ZSWIM6: variants seen among roughly 807,000 people sequenced by gnomAD.
The protein encoded by ZSWIM6 is zinc finger SWIM-type containing 6.
ZSWIM6 carries 9 observed loss-of-function variants against 113.2 expected under a neutral mutation model. The observed-to-expected ratio is 0.08, with a 90% CI of 0.05 to 0.14. The LOEUF is 0.14. ZSWIM6 is among the 10% of genes least tolerant of loss of function. The pLI is 1.00. For synonymous variants in ZSWIM6, 611 were observed against 606.5 expected (o/e 1.01, Z -0.11); for missense variants, 1,162 against 1,552.2 (o/e 0.75, Z 4.22).
intron 1 of ZSWIM6, among the ~76,000 whole-genome samples, chr5:61,353,192 T>TTTGGGATGAGGA (rs1334880459): frequency 6.6e-6 from 1 of 152,168 alleles, no homozygotes; most frequent in African/African-American, 2.4e-5. Flanking sequence ...CAGTGTCTTG[T>TTTGGGATGAGGA]TTGGGATGAG....
chr5:61,375,011 GAA>G, intron 1 of ZSWIM6: 1 of 1,084,596 alleles, frequency 9.2e-7, no homozygotes, highest in Admixed American at 2.0e-5. Flanking sequence ...CTATGAAAAA[GAA>G]GAGTAATGAG....
intron 1 of ZSWIM6, among the ~76,000 whole-genome samples, chr5:61,427,410 C>A (rs1048455656): frequency 1.3e-5 from 2 of 152,158 alleles, no homozygotes; most frequent in South Asian, 2.1e-4. Context: ...CACATGAATT[C>A]AATGTAGTAC....
At chr5:61,495,035 G>A (rs1035322276) in intron 4 of ZSWIM6, among the ~76,000 whole-genome samples, 39 of 152,120 alleles carry the variant, frequency 2.6e-4, no homozygotes, top group African/African-American at 8.9e-4. Flanking sequence ...AATGTTCATC[G>A]CTAGGGAAAT....
chr5:61,454,553 G>A (rs980378952), intron 1 of ZSWIM6, among the ~76,000 whole-genome samples: 4 of 149,688 alleles, frequency 2.7e-5, no homozygotes, highest in South Asian at 2.1e-4. Context: ...ATGAGCCACC[G>A]TGCCTATCCC....
chr5:61,349,980 A>G (rs1463193021), intron 1 of ZSWIM6, among the ~76,000 whole-genome samples: 5 of 152,232 alleles, frequency 3.3e-5, no homozygotes, highest in African/African-American at 7.2e-5. Flanking sequence ...ATTAATAGGA[A>G]TGGTTTGCTA....
intron 2 of ZSWIM6, among the ~76,000 whole-genome samples, chr5:61,489,947 C>A (rs1053524023): frequency 7.2e-5 from 11 of 151,948 alleles, no homozygotes; most frequent in African/African-American, 2.4e-4. Context: ...AATACAAAAC[C>A]ACACCTACAG....
At chr5:61,522,099 T>C (rs1399229103) in intron 5 of ZSWIM6, among the ~76,000 whole-genome samples, 1 of 151,476 alleles carries the variant, frequency 6.6e-6, no homozygotes, top group African/African-American at 2.4e-5. Context: ...GTTTGTTTTT[T>C]TTTGTTTTTT....
intron 1 of ZSWIM6, among the ~76,000 whole-genome samples, chr5:61,423,625 A>G (rs962605102): frequency 2.6e-5 from 4 of 152,202 alleles, no homozygotes; most frequent in African/African-American, 9.7e-5. Flanking sequence ...GCTACAAATC[A>G]GATGGCACCA....
intron 1 of ZSWIM6, among the ~76,000 whole-genome samples, chr5:61,413,430 C>A (rs1222837813): frequency 6.6e-6 from 1 of 151,900 alleles, no homozygotes; most frequent in Non-Finnish European, 1.5e-5. Context: ...CATTGTTGGA[C>A]ATTTGGCTTG....
At chr5:61,387,402 G>T (rs1442004470) in intron 1 of ZSWIM6, among the ~76,000 whole-genome samples, 1 of 152,254 alleles carries the variant, frequency 6.6e-6, no homozygotes, top group Non-Finnish European at 1.5e-5. Flanking sequence ...GATGGCCCAT[G>T]CCTTTAATCT....
chr5:61,412,682 A>G (rs78005302), intron 1 of ZSWIM6, among the ~76,000 whole-genome samples: 60 of 152,322 alleles, frequency 3.9e-4, no homozygotes, highest in African/African-American at 1.4e-3. Context: ...TAATCTCTGT[A>G]TTGGTTCCTA....
intron 1 of ZSWIM6, among the ~76,000 whole-genome samples, chr5:61,358,907 G>A (rs1299302482): frequency 6.6e-6 from 1 of 152,218 alleles, no homozygotes; most frequent in Non-Finnish European, 1.5e-5. Context: ...TAACAGGCTA[G>A]TGATTGGACA....
chr5:61,348,835 T>G (rs1421981746), intron 1 of ZSWIM6, among the ~76,000 whole-genome samples: 1 of 152,204 alleles, frequency 6.6e-6, no homozygotes. Flanking sequence ...CTTTCTAGAT[T>G]GAGGGGCATT....
chr5:61,399,229 A>ATT (rs1554033118), intron 1 of ZSWIM6, among the ~76,000 whole-genome samples: 1 of 111,926 alleles, frequency 8.9e-6, no homozygotes, highest in African/African-American at 4.1e-5. Context: ...CTGGCTGTGT[A>ATT]TGTTTTTTTT....
chr5:61,406,735 C>T (rs1205303461), intron 1 of ZSWIM6, among the ~76,000 whole-genome samples: 1 of 118,266 alleles, frequency 8.5e-6, no homozygotes, highest in African/African-American at 3.6e-5. Flanking sequence ...TATTTTGAGA[C>T]AGAGTCTTGC....
chr5:61,414,919 C>T (rs1419182723), intron 1 of ZSWIM6, among the ~76,000 whole-genome samples: 1 of 152,184 alleles, frequency 6.6e-6, no homozygotes, highest in Non-Finnish European at 1.5e-5. Flanking sequence ...TAATCCCTTT[C>T]TCTGTGCTAT....
intron 1 of ZSWIM6, among the ~76,000 whole-genome samples, chr5:61,407,075 T>C (rs1746058254): frequency 6.6e-6 from 1 of 152,186 alleles, no homozygotes; most frequent in South Asian, 2.1e-4. Context: ...TCCCCAAATC[T>C]GAAATTTAGT....
intron 1 of ZSWIM6, among the ~76,000 whole-genome samples, chr5:61,420,747 A>G (rs1012651985): frequency 6.6e-6 from 1 of 152,190 alleles, no homozygotes. Context: ...GGCATGGAAC[A>G]TGTAATAATC....
At chr5:61,383,376 C>T (rs1403073578) in intron 1 of ZSWIM6, among the ~76,000 whole-genome samples, 5 of 152,094 alleles carry the variant, frequency 3.3e-5, no homozygotes, top group African/African-American at 1.2e-4. Flanking sequence ...AGTGGAGGAC[C>T]ATGTGCCTGG....
Sources: allele counts gnomAD v4.1 joint callset (sites outside exome capture counted in the v4.1 genomes callset), GRCh38; gene constraint gnomAD v4.1.1; transcripts MANE v1.5; gene names NCBI Gene and HGNC (gene_info 2026-07-23, HGNC 2026-07-21).